The following NEMF variants were observed in gnomAD, a reference collection of about 807,000 sequenced individuals.
NEMF encodes the protein ribosome quality control complex subunit NEMF.
Under a neutral mutation model 162.2 loss-of-function variants are expected in NEMF, and 89 were observed. The observed-to-expected ratio is 0.55, with a 90% confidence interval of 0.46 to 0.65. NEMF has a LOEUF of 0.65. Among genes scored for constraint, NEMF ranks in the 30% least tolerant of loss-of-function variants. The probability of loss-of-function intolerance (pLI) is 0.00; values close to 1 mark genes in which losing one functional copy is unlikely to be tolerated. For missense variants in NEMF, 1,133 were observed against 1,261.9 expected, an observed-to-expected ratio of 0.90 and a Z score of 1.55; for synonymous variants, 421 against 404.5, an observed-to-expected ratio of 1.04 and a Z score of -0.49.
intron 8 of NEMF, among the ~76,000 whole-genome samples, chr14:49,833,135 A>C (rs979191374): frequency 5.3e-5 from 8 of 152,086 alleles, no homozygotes; most frequent in African/African-American, 1.7e-4. Flanking sequence ...GCATGGTGGC[A>C]CGTGCCTGTA....
chr14:49,828,455 C>G, intron 14 of NEMF, 101 bp from the exon 15 acceptor site: 3 of 979,322 alleles, frequency 3.1e-6, no homozygotes, highest in East Asian at 2.7e-5. Flanking sequence ...CAGAACAAAT[C>G]AGAACAAACT....
intron 18 of NEMF, among the ~76,000 whole-genome samples, chr14:49,811,757 C>T (rs1181019931): frequency 6.6e-6 from 1 of 152,128 alleles, no homozygotes; most frequent in East Asian, 1.9e-4. Context: ...TTTCCATATA[C>T]TGAACCAAGC....
intron 20 of NEMF, 47 bp from the exon 21 acceptor site, chr14:49,802,774 A>AT: frequency 1.3e-6 from 2 of 1,482,766 alleles, no homozygotes; most frequent in Non-Finnish European, 1.8e-6. Flanking sequence ...AGTCTTCTCC[A>AT]TTTTTTGCTT....
In NEMF at chr14:49,789,287, C is replaced by G. The variant is rs777198287; in HGVS notation, c.2754G>C (p.Lys918Asn). Reference sequence around the variant, plus strand: ...GGGGCTGTTTCTTCACAGGTTCGTCCTTTGTTTTTCCTTTCTTCCCCTTCT... The same window carrying G: ...GGGGCTGTTTCTTCACAGGTTCGTCGTTTGTTTTTCCTTTCTTCCCCTTCT... ...KGKKGKKGKTKDEPVKKQPQK... is the reference protein window; with the variant it reads ...KGKKGKKGKTNDEPVKKQPQK... Residue 918 changes from lysine (K) to asparagine (N), a missense_variant, in exon 28 of 33, where the codon AAG becomes AAC. Around this residue, in one of 3 missense-constraint regions of NEMF, gnomAD observed 532 missense variants for 578.6 expected, o/e 0.92. Transcript: ENST00000298310. 1 of 1,614,134 alleles carries G rather than the reference C, an allele frequency of 6.2e-7. No individual in the cohort carries two copies. The highest frequency in any genetic ancestry group is 8.5e-7 in the Non-Finnish European group (1 of 1,180,028).
chr14:49,838,296 C>G, intron 5 of NEMF, 90 bp from the exon 6 acceptor site: 6 of 972,068 alleles, frequency 6.2e-6, no homozygotes, highest in Non-Finnish European at 9.7e-6. Context: ...TGTATCAGTT[C>G]ACCTGATCTT....
intron 25 of NEMF, 64 bp downstream of exon 25, chr14:49,799,411 T>A: frequency 7.5e-7 from 1 of 1,334,610 alleles, no homozygotes; most frequent in Non-Finnish European, 1.0e-6. Context: ...CTGTGGTAGC[T>A]GAGCTATCAA....
At chr14:49,828,246 C>T (rs560197263) in intron 15 of NEMF, 45 bp downstream of exon 15, 30 of 1,233,090 alleles carry the variant, frequency 2.4e-5, no homozygotes, top group South Asian at 9.7e-5. Context: ...CATTAAATTA[C>T]GCAGGCACAA....
chr14:49,827,186 T>G (rs1296213444), intron 15 of NEMF, among the ~76,000 whole-genome samples: 1 of 152,168 alleles, frequency 6.6e-6, no homozygotes, highest in Non-Finnish European at 1.5e-5. Flanking sequence ...TTTGATTTAT[T>G]TATTTTAATA....
rs758492270 is a variant in NEMF, at chr14:49,832,083, A to G, written c.850T>C (p.Cys284Arg). Residue 284 changes from cysteine to arginine, a missense_variant, in exon 10 of 33, where the codon TGT (cysteine) becomes CGT (arginine). Coordinates refer to ENST00000298310, the MANE Select transcript of NEMF (RefSeq NM_004713.6). ...HPFLFSQHSQCPYIEFESFDK... is the reference protein window; with the variant it reads ...HPFLFSQHSQRPYIEFESFDK... The stretch of plus-strand genomic sequence containing the variant: ...AATGATTCAAATTCTATATATGGAC[A>G]TTGTGAATGTTGAGAAAACAAGAAA... The G allele has an allele frequency of 6.2e-7, 1 of 1,607,624 alleles. No individual in the cohort carries two copies. Among genetic ancestry groups the G allele is most frequent in the Admixed American group, 1.7e-5 (1 of 58,250 alleles).
At chr14:49,796,704 G>GT (rs1326431754) in intron 25 of NEMF, among the ~76,000 whole-genome samples, 3 of 152,088 alleles carry the variant, frequency 2.0e-5, no homozygotes, top group African/African-American at 4.8e-5. Context: ...CATTCTCTTC[G>GT]TATCACTTTA....
intron 25 of NEMF, 133 bp from the exon 26 acceptor site, chr14:49,796,077 A>G: frequency 1.5e-6 from 1 of 657,220 alleles, no homozygotes; most frequent in African/African-American, 1.8e-5. Flanking sequence ...ATAATCACCA[A>G]GTTAGAAAAT....
At chr14:49,829,638 T>C (rs1308434544) in intron 11 of NEMF, among the ~76,000 whole-genome samples, 1 of 152,192 alleles carries the variant, frequency 6.6e-6, no homozygotes, top group Non-Finnish European at 1.5e-5. Context: ...CCACTCCTTA[T>C]ATAGAAAGGT....
chr14:49,787,193 T>G (rs2139819721), intron 28 of NEMF: 2 of 164,646 alleles, frequency 1.2e-5, no homozygotes, highest in East Asian at 3.6e-4. Context: ...TCCCATAAAA[T>G]ATGCTTAATT....
chr14:49,812,916 C>T (rs1056858015), intron 18 of NEMF, among the ~76,000 whole-genome samples: 6 of 152,024 alleles, frequency 3.9e-5, no homozygotes, highest in African/African-American at 1.4e-4. Context: ...GCTGGGACTA[C>T]AGGCGTGTGC....
At chr14:49,789,069 G>C (rs895445236) in intron 28 of NEMF, 77 bp downstream of exon 28, 1 of 1,161,372 alleles carries the variant, frequency 8.6e-7, no homozygotes, top group African/African-American at 1.5e-5. Context: ...TTTTAGCACT[G>C]AAAGTCCCAT....
chr14:49,828,918 T>C lies in NEMF; in HGVS notation c.1233-111A>G. ...GTTTACAGTACTGGAAGTTTCATTA[T>C]TTATTTTAATCTAAATTAGTTTTTT... On this transcript the variant is annotated intron_variant, in intron 13 of 32. Transcript: ENST00000298310. 8 of 1,276,710 alleles carry C rather than the reference T, an allele frequency of 6.3e-6. No individual in the cohort carries two copies. The South Asian group carries it at 7.8e-5, about 13-fold the overall frequency. 79.1% of individuals were successfully genotyped at this position (1,276,710 alleles called of 1,614,324 possible). A position where few individuals can be genotyped will look rare whatever the true frequency, so the allele number is the denominator to read the frequency against.
At chr14:49,830,817 A>C (rs1892597122) in intron 11 of NEMF, among the ~76,000 whole-genome samples, 1 of 152,270 alleles carries the variant, frequency 6.6e-6, no homozygotes, top group Non-Finnish European at 1.5e-5. Flanking sequence ...AACATGGTCA[A>C]ATGTGCTGGG....
At chr14:49,838,700 T>C (rs1325836003) in intron 5 of NEMF, among the ~76,000 whole-genome samples, 1 of 150,764 alleles carries the variant, frequency 6.6e-6, no homozygotes, top group Non-Finnish European at 1.5e-5. Flanking sequence ...TTCTCCTGCC[T>C]CAGCCTCCCG....
intron 4 of NEMF, among the ~76,000 whole-genome samples, chr14:49,844,634 GTTT>G (rs1363826966): frequency 1.3e-5 from 2 of 151,444 alleles, no homozygotes; most frequent in Non-Finnish European, 2.9e-5. Flanking sequence ...CACTAAATTT[GTTT>G]TTTATTTTTT....
Sources: allele counts gnomAD v4.1 joint callset (sites outside exome capture counted in the v4.1 genomes callset), GRCh38; gene constraint gnomAD v4.1.1; regional missense constraint gnomAD v4.1.1; transcripts MANE v1.5; gene names NCBI Gene and HGNC (gene_info 2026-07-23, HGNC 2026-07-21).